The following NXPE2 variants were observed in gnomAD, a reference collection of about 807,000 sequenced individuals.
The protein encoded by NXPE2 is neurexophilin and PC-esterase domain family member 2.
In NXPE2, 34 loss-of-function variants were observed where a neutral mutation model predicts 34.4. The observed-to-expected ratio is 0.99, with a 90% CI of 0.75 to 1.31. The LOEUF (loss-of-function observed/expected upper bound fraction) is 1.31, where lower values mean the gene tolerates loss of function less well. Ranked by LOEUF, NXPE2 falls within the 40% of genes most tolerant of loss-of-function variation. NXPE2 has a pLI of 0.00. For missense variants in NXPE2, 649 were observed against 672.5 expected (o/e 0.97, Z 0.39); for synonymous variants, 235 against 231.3 (o/e 1.02, Z -0.15).
chr11:114,736,150 G>A, the NXPE2 span, among the ~76,000 whole-genome samples: 16 of 152,196 alleles, frequency 1.1e-4, no homozygotes, highest in South Asian at 4.1e-4. Flanking sequence ...GGACCAGGGC[G>A]AAATTAAAAT....
At chr11:114,801,253 CAGAGATAACTTAGATTTAGGGGAG>C in the NXPE2 span, among the ~76,000 whole-genome samples, 19 of 152,224 alleles carry the variant, frequency 1.2e-4, no homozygotes, top group African/African-American at 4.6e-4. Context: ...ACTAAAGAAT[CAGAGATAACTTAGATTTAGGGGAG>C]AGAGAAGTCT....
the NXPE2 span, among the ~76,000 whole-genome samples, chr11:114,487,328 T>A: frequency 7.9e-5 from 12 of 152,330 alleles, no homozygotes; most frequent in Middle Eastern, 3.4e-3. Context: ...GCTACTGATT[T>A]TTGTATGTTG....
At chr11:114,704,783 G>T (rs1951441046) in intron 4 of NXPE2, among the ~76,000 whole-genome samples, 5 of 152,170 alleles carry the variant, frequency 3.3e-5, no homozygotes, top group African/African-American at 1.2e-4. Flanking sequence ...AATCTATGAA[G>T]AAGACAGATC....
the NXPE2 span, among the ~76,000 whole-genome samples, chr11:114,733,286 G>C: frequency 1.3e-5 from 2 of 152,042 alleles, no homozygotes; most frequent in African/African-American, 4.8e-5. Flanking sequence ...GTACAGACGG[G>C]GTTTCACCGT....
the NXPE2 span, among the ~76,000 whole-genome samples, chr11:114,712,084 A>G: frequency 6.6e-6 from 1 of 152,242 alleles, no homozygotes; most frequent in Admixed American, 6.5e-5. Flanking sequence ...CTTACTTTAT[A>G]GCATATACAA....
At chr11:114,807,533 G>T in the NXPE2 span, among the ~76,000 whole-genome samples, 32 of 151,390 alleles carry the variant, frequency 2.1e-4, no homozygotes, top group Non-Finnish European at 4.3e-4. Flanking sequence ...AAAGGCAGGG[G>T]TTGCAATCCT....
the NXPE2 span, among the ~76,000 whole-genome samples, chr11:114,731,354 CAG>C: frequency 7.9e-5 from 12 of 152,102 alleles, no homozygotes; most frequent in African/African-American, 2.7e-4. Context: ...CCATATGAAC[CAG>C]AGACTGTATG....
At chr11:114,785,966 TTAGA>T in the NXPE2 span, among the ~76,000 whole-genome samples, 5 of 152,088 alleles carry the variant, frequency 3.3e-5, no homozygotes, top group African/African-American at 1.2e-4. Flanking sequence ...TATTATACTA[TTAGA>T]TAGTGTAAAA....
chr11:114,797,505 A>G, the NXPE2 span, among the ~76,000 whole-genome samples: 4 of 152,156 alleles, frequency 2.6e-5, no homozygotes, highest in Non-Finnish European at 4.4e-5. Context: ...AGTTCACAGC[A>G]GGCATTTTGG....
the NXPE2 span, among the ~76,000 whole-genome samples, chr11:114,589,616 C>T: frequency 1.3e-5 from 2 of 152,136 alleles, no homozygotes; most frequent in South Asian, 2.1e-4. Context: ...TTTTTCTCCT[C>T]TAGTGGAAGC....
the NXPE2 span, among the ~76,000 whole-genome samples, chr11:114,629,840 A>C: frequency 6.6e-6 from 1 of 150,534 alleles, no homozygotes; most frequent in African/African-American, 2.5e-5. Flanking sequence ...ATACAAAATC[A>C]ATGTACAAAA....
At chr11:114,803,079 C>T in the NXPE2 span, among the ~76,000 whole-genome samples, 1 of 152,170 alleles carries the variant, frequency 6.6e-6, no homozygotes, top group Non-Finnish European at 1.5e-5. Context: ...CTACTCAGCG[C>T]TCTCCTGCCT....
intron 2 of NXPE2, among the ~76,000 whole-genome samples, chr11:114,692,669 T>G (rs1951175253): frequency 1.3e-5 from 2 of 152,238 alleles, no homozygotes; most frequent in African/African-American, 4.8e-5. Flanking sequence ...GCTCAGTCAG[T>G]TCCTAGCTGG....
At chr11:114,725,755 C>A in the NXPE2 span, among the ~76,000 whole-genome samples, 2 of 151,552 alleles carry the variant, frequency 1.3e-5, no homozygotes, top group African/African-American at 4.8e-5. Flanking sequence ...AACTGCAAAC[C>A]TTGTTTCATG....
chr11:114,475,334 C>T, the NXPE2 span, among the ~76,000 whole-genome samples: 1 of 149,040 alleles, frequency 6.7e-6, no homozygotes, highest in African/African-American at 2.5e-5. Flanking sequence ...AGCTCCGCCT[C>T]CCGGGTTCAA....
chr11:114,496,045 A>G, the NXPE2 span, among the ~76,000 whole-genome samples: 83 of 152,090 alleles, frequency 5.5e-4, no homozygotes, highest in Non-Finnish European at 9.3e-4. Context: ...TGTGCACCCC[A>G]AGTCAGCTGA....
At chr11:114,678,270 T>C (rs900968206), upstream of NXPE2, 1 of 211,098 alleles carries the variant, frequency 4.7e-6, no homozygotes, top group South Asian at 1.2e-4. Flanking sequence ...AAGAGCACTC[T>C]GTCTATAAAC....
the NXPE2 span, among the ~76,000 whole-genome samples, chr11:114,523,837 T>G: frequency 6.6e-6 from 1 of 152,214 alleles, no homozygotes; most frequent in Non-Finnish European, 1.5e-5. Flanking sequence ...ATGCCTTGTA[T>G]TTTAGGATTT....
chr11:114,600,378 C>T, the NXPE2 span, among the ~76,000 whole-genome samples: 1 of 152,024 alleles, frequency 6.6e-6, no homozygotes, highest in South Asian at 2.1e-4. Flanking sequence ...CATGAAATGA[C>T]CCATTTTCCT....
Sources: gnomAD v4.1 joint callset for allele counts (sites outside exome capture counted in the v4.1 genomes callset) on GRCh38, gnomAD v4.1.1 for gene constraint, MANE v1.5 for transcripts, NCBI Gene and HGNC (gene_info 2026-07-23, HGNC 2026-07-21) for gene names.